Variants in PFDN2 observed in about 807,000 individuals in gnomAD.
PFDN2 encodes prefoldin subunit 2, also known as prefoldin 2.
PFDN2 carries 7 observed loss-of-function variants against 18.3 expected under a neutral mutation model. That is an observed-to-expected ratio of 0.38 (90% confidence interval 0.22 to 0.72). The LOEUF (loss-of-function observed/expected upper bound fraction) is 0.72, where lower values mean the gene tolerates loss of function less well. Among genes scored for constraint, PFDN2 ranks in the 30% least tolerant of loss-of-function variants. PFDN2 has a pLI of 0.47. For missense variants in PFDN2, 181 were observed against 199.1 expected (o/e 0.91, Z 0.55); for synonymous variants, 76 against 75.0 (o/e 1.01, Z -0.07).
chr1:161,108,437 A>G (rs892111517), intron 1 of PFDN2, among the ~76,000 whole-genome samples: 3 of 145,350 alleles, frequency 2.1e-5, no homozygotes, highest in Non-Finnish European at 3.0e-5. Flanking sequence ...CAGCCTGGGC[A>G]CAAGACCGAA....
chr1:161,103,395 T>TAA (rs5778192), intron 1 of PFDN2, among the ~76,000 whole-genome samples: 68 of 146,212 alleles, frequency 4.7e-4, no homozygotes, highest in African/African-American at 1.1e-3. Context: ...AATAGCCCTT[T>TAA]AAAAAAAAAA....
At chr1:161,113,666 A>C (rs1055102710) in intron 1 of PFDN2, among the ~76,000 whole-genome samples, 1 of 152,190 alleles carries the variant, frequency 6.6e-6, no homozygotes, top group Non-Finnish European at 1.5e-5. Context: ...ATGTAGTCCC[A>C]GTAACTTGGG....
chr1:161,102,426 G>C (rs1191447951), intron 1 of PFDN2, 51 bp from the exon 2 acceptor site: 2 of 1,402,166 alleles, frequency 1.4e-6, no homozygotes, highest in South Asian at 1.2e-5. Context: ...AATGGCAGAG[G>C]GTCCAGATAG....
At chr1:161,102,398 G>C in intron 1 of PFDN2, 23 bp from the exon 2 acceptor site, 1 of 1,585,894 alleles carries the variant, frequency 6.3e-7, no homozygotes, top group South Asian at 1.1e-5. Context: ...GAGAAGAGAT[G>C]AAAGAGGGGA....
At chr1:161,109,722 G>A (rs534412935) in intron 1 of PFDN2, among the ~76,000 whole-genome samples, 16 of 152,106 alleles carry the variant, frequency 1.1e-4, no homozygotes, top group East Asian at 1.9e-4. Flanking sequence ...ATCCAGGCAC[G>A]GTGGCTCACG....
intron 1 of PFDN2, 46 bp from the exon 2 acceptor site, chr1:161,102,421 C>G: frequency 6.9e-7 from 1 of 1,444,630 alleles, no homozygotes; most frequent in South Asian, 1.1e-5. Flanking sequence ...GTGGAAATGG[C>G]AGAGGGTCCA....
chr1:161,108,151 TA>T (rs557544026), intron 1 of PFDN2, among the ~76,000 whole-genome samples: 352 of 110,634 alleles, frequency 3.2e-3, no homozygotes, highest in East Asian at 0.029. Flanking sequence ...AAATAAAAAT[TA>T]AAAAAAAAAA....
intron 1 of PFDN2, among the ~76,000 whole-genome samples, chr1:161,116,618 T>C (rs1048547794): frequency 7.2e-5 from 11 of 152,216 alleles, no homozygotes; most frequent in African/African-American, 2.2e-4. Flanking sequence ...ACTTATCTTC[T>C]GCCTCATATG....
chr1:161,115,450 T>C (rs1654895313), intron 1 of PFDN2, among the ~76,000 whole-genome samples: 3 of 152,238 alleles, frequency 2.0e-5, no homozygotes, highest in Non-Finnish European at 4.4e-5. Flanking sequence ...AATCATCCTT[T>C]TGCCCAGCCT....
intron 1 of PFDN2, among the ~76,000 whole-genome samples, chr1:161,107,508 T>G (rs1266227463): frequency 6.6e-6 from 1 of 151,552 alleles, no homozygotes; most frequent in African/African-American, 2.4e-5. Flanking sequence ...TAATAAATAG[T>G]ACCAATATAA....
chr1:161,117,020 G>A (rs760988115), intron 1 of PFDN2, among the ~76,000 whole-genome samples: 6 of 152,160 alleles, frequency 3.9e-5, no homozygotes, highest in Non-Finnish European at 7.3e-5. Flanking sequence ...GGATCATTAG[G>A]TCAGGAGTTG....
At chr1:161,108,164 A>C (rs1000448521) in intron 1 of PFDN2, among the ~76,000 whole-genome samples, 2 of 150,512 alleles carry the variant, frequency 1.3e-5, no homozygotes, top group South Asian at 2.1e-4. Flanking sequence ...AAAAAAAAAA[A>C]AAACAAGGCT....
chr1:161,103,464 C>G (rs754073333), intron 1 of PFDN2, among the ~76,000 whole-genome samples: 1 of 151,090 alleles, frequency 6.6e-6, no homozygotes, highest in Non-Finnish European at 1.5e-5. Flanking sequence ...CCGAGGTGGG[C>G]AGATCACCAG....
At chr1:161,105,689 C>T (rs978348767) in intron 1 of PFDN2, among the ~76,000 whole-genome samples, 28 of 152,100 alleles carry the variant, frequency 1.8e-4, no homozygotes, top group African/African-American at 6.0e-4. Flanking sequence ...GAACTCCTGA[C>T]CTCAGGTGAT....
At position 161,100,711 on chromosome 1, in the gene PFDN2, G is replaced by C. The variant is rs1257854794; in HGVS notation, c.437C>G (p.Ala146Gly). ...GGAGACCAACACTCCAGCTGAGCTGGCCTTAGCCCCAGCCCCTTCTGAGTT... is the reference window on the plus strand; with the variant it reads ...GGAGACCAACACTCCAGCTGAGCTGCCCTTAGCCCCAGCCCCTTCTGAGTT... ...KENSEGAGAK[A>G]SSAGVLVS Residue 146 changes from alanine (A) to glycine (G), a missense_variant, in exon 4 of 4, where the codon GCC (alanine) becomes GGC (glycine). By Grantham distance (60) the Ala-to-Gly change is moderately conservative. Coordinates refer to ENST00000368010, the MANE Select transcript of PFDN2 (RefSeq NM_012394.4). 1.2e-6 allele frequency: 2 copies of C among 1,613,822 alleles called. No individual in the cohort carries two copies. The highest frequency in any genetic ancestry group is 2.2e-5 in the South Asian group (2 of 91,048).
intron 1 of PFDN2, among the ~76,000 whole-genome samples, chr1:161,112,641 T>C (rs1243508235): frequency 1.3e-5 from 2 of 152,170 alleles, no homozygotes; most frequent in African/African-American, 4.8e-5. Flanking sequence ...GCCAAATGTA[T>C]TGCACTTAGT....
intron 1 of PFDN2, among the ~76,000 whole-genome samples, chr1:161,115,461 A>G (rs1353440275): frequency 3.3e-5 from 5 of 152,216 alleles, no homozygotes; most frequent in African/African-American, 1.2e-4. Flanking sequence ...TGCCCAGCCT[A>G]TCCATGCTGT....
chr1:161,101,930 A>G, intron 3 of PFDN2, 118 bp downstream of exon 3: 1 of 952,824 alleles, frequency 1.0e-6, no homozygotes, highest in Non-Finnish European at 1.6e-6. Context: ...ATATGGTTTC[A>G]CCATGTTGCC....
At chr1:161,102,842 C>T (rs1654595679) in intron 1 of PFDN2, among the ~76,000 whole-genome samples, 1 of 151,786 alleles carries the variant, frequency 6.6e-6, no homozygotes, top group African/African-American at 2.4e-5. Context: ...CCTGTAGTCC[C>T]AGCTACTTGG....
Sources: gnomAD v4.1 joint callset for allele counts (sites outside exome capture counted in the v4.1 genomes callset) on GRCh38, gnomAD v4.1.1 for gene constraint, MANE v1.5 for transcripts, NCBI Gene and HGNC (gene_info 2026-07-23, HGNC 2026-07-21) for gene names.